The following NPAS2 variants were observed in gnomAD, a reference collection of about 807,000 sequenced individuals.
NPAS2 encodes neuronal PAS domain protein 2, also known as neuronal PAS domain-containing protein 2.
A neutral mutation model predicts 107.5 loss-of-function variants in NPAS2; 23 were observed. That is an observed-to-expected ratio of 0.21 (90% confidence interval 0.15 to 0.30). The LOEUF (loss-of-function observed/expected upper bound fraction) is 0.30. NPAS2 is among the 10% of genes least tolerant of loss of function. The probability of loss-of-function intolerance (pLI) is 1.00; values close to 1 mark genes in which losing one functional copy is unlikely to be tolerated. For synonymous variants in NPAS2, 403 were observed against 417.5 expected, an observed-to-expected ratio of 0.97 and a Z score of 0.42; for missense variants, 756 against 1,043.3, an observed-to-expected ratio of 0.72 and a Z score of 3.79.
At chr2:100,991,267 C>G (rs1056897776) in intron 19 of NPAS2, among the ~76,000 whole-genome samples, 11 of 152,130 alleles carry the variant, frequency 7.2e-5, no homozygotes. Context: ...GCACCGTGCT[C>G]GGGCCCGTCT....
In NPAS2 at chr2:100,948,354, A is replaced by G. The variant is rs770662226; in HGVS notation, c.483A>G (p.Lys161=). The change falls in exon 6 of 21, where the codon AAA becomes AAG. Residue 161 remains lysine, a splice_region_variant and synonymous_variant. Coordinates refer to ENST00000335681, the MANE Select transcript of NPAS2 (RefSeq NM_002518.4). ...ATTCCCCCTCCCCAGAATACTTAAA[A>G]TGTAAGTTTAATTTTTCTGGTTTTA... ...VTDSPSPEYL[K]SDSDLEFYCH... 43 of 1,590,532 alleles carry G rather than the reference A, an allele frequency of 2.7e-5. No individual in the cohort carries two copies. Among genetic ancestry groups the G allele is most frequent in the Non-Finnish European group, 3.6e-5 (42 of 1,169,948 alleles).
intron 7 of NPAS2, among the ~76,000 whole-genome samples, chr2:100,954,033 G>A (rs181922773): frequency 1.3e-5 from 2 of 152,204 alleles, no homozygotes; most frequent in Non-Finnish European, 2.9e-5. Flanking sequence ...GAGAAGCACC[G>A]GGGTTGGTCA....
At chr2:100,977,058 A>G (rs1204583361) in intron 14 of NPAS2, 1 of 151,702 alleles carries the variant, frequency 6.6e-6, no homozygotes, top group Non-Finnish European at 1.5e-5. Context: ...AAAAACCACT[A>G]GAAAACCACT....
rs199897015 is a variant in NPAS2, at chr2:100,852,873, AAAAAT to A, written c.-23+32473_-23+32477del. ...CAGGGGCGTTCAGTGCTTTCTTTAA[AAAAAT>A]AAAATAAAATAAATAAAAGACAAAA... On this transcript the variant is annotated intron_variant, in intron 1 of 20. Transcript: ENST00000335681. Among the ~76,000 whole-genome samples the A allele has an allele frequency of 2.2e-3, 342 of 152,330 alleles. 2 individuals carry two copies. Among genetic ancestry groups the A allele is most frequent in the East Asian group, 0.014 (75 of 5,188 alleles).
chr2:100,820,219 C>T lies in NPAS2; in HGVS notation c.-218C>T. ...CCGCGCGGCTGCGGCCCAGGAGCGG[C>T]GGCCGCGGAGCCCGGAGACCCGCAG... On this transcript the variant is annotated 5_prime_UTR_variant, in exon 1 of 21. Coordinates refer to ENST00000335681, the MANE Select transcript of NPAS2 (RefSeq NM_002518.4). The surrounding 1 kb of genome is among the most constrained non-coding windows in gnomAD (Gnocchi z 5.6). 6.7e-6 allele frequency: 1 copy of T among 149,070 alleles called. No homozygotes were observed. Among genetic ancestry groups the T allele is most frequent in the Non-Finnish European group, 1.5e-5 (1 of 67,214 alleles). 9.2% of individuals were successfully genotyped at this position (149,070 alleles called of 1,614,324 possible). A position where few individuals can be genotyped will look rare whatever the true frequency, so the allele number is the denominator to read the frequency against.
At chr2:100,920,111 A>G (rs1042789682) in intron 2 of NPAS2, among the ~76,000 whole-genome samples, 2 of 152,170 alleles carry the variant, frequency 1.3e-5, no homozygotes, top group Non-Finnish European at 2.9e-5. Flanking sequence ...TTGTCCAGAG[A>G]ACCCTCAAGT....
At position 100,995,697 on chromosome 2, in the gene NPAS2, T is replaced by C; in HGVS notation, c.*115T>C. 6.5e-7 allele frequency: 1 copy of C among 1,549,736 alleles called. No individual in the cohort carries two copies. The highest frequency in any genetic ancestry group is 8.7e-7 in the Non-Finnish European group (1 of 1,147,204). On this transcript the variant is annotated 3_prime_UTR_variant, in exon 21 of 21. Coordinates refer to ENST00000335681, the MANE Select transcript of NPAS2 (RefSeq NM_002518.4). ...ACCCCTGGCTTTTGTGCACACTGCA[T>C]ACGTTTCAGAACTCCTGGATGGTAA...
chr2:100,982,014 C>T (rs979687990), intron 15 of NPAS2, among the ~76,000 whole-genome samples: 1 of 152,216 alleles, frequency 6.6e-6, no homozygotes, highest in African/African-American at 2.4e-5. Flanking sequence ...CTGTCATAGC[C>T]AGCCTGAGAA....
intron 15 of NPAS2, among the ~76,000 whole-genome samples, chr2:100,979,805 C>T (rs1237241846): frequency 1.3e-5 from 2 of 152,136 alleles, no homozygotes; most frequent in Non-Finnish European, 2.9e-5. Context: ...GCTGGGATTA[C>T]AGGCGTGAGC....
At chr2:100,945,495 C>T (rs1452229330) in intron 5 of NPAS2, among the ~76,000 whole-genome samples, 1 of 152,222 alleles carries the variant, frequency 6.6e-6, no homozygotes, top group Non-Finnish European at 1.5e-5. Context: ...TCTCTCCTTC[C>T]AGACTACAAG....
rs181352071 is a variant in NPAS2 at position 100,843,999 on chromosome 2, G to A, written c.-23+23585G>A. On this transcript the variant is annotated intron_variant, in intron 1 of 20. Coordinates refer to ENST00000335681, the MANE Select transcript of NPAS2 (RefSeq NM_002518.4). ...GATTAGATACACCAAGAAGAGGTGA[G>A]AAGAGAAATGGTGGTGAAGATGCCC... 8.1e-3 allele frequency among the ~76,000 whole-genome samples: 1,237 copies of A among 152,080 alleles called. 7 individuals are homozygous for A. The highest frequency in any genetic ancestry group is 0.014 in the Middle Eastern group (4 of 294).
chr2:100,873,813 C>G (rs897117144), intron 1 of NPAS2, among the ~76,000 whole-genome samples: 1 of 152,188 alleles, frequency 6.6e-6, no homozygotes, highest in Non-Finnish European at 1.5e-5. Context: ...CAACCGCTAT[C>G]ATACCTGAGC....
intron 1 of NPAS2, among the ~76,000 whole-genome samples, chr2:100,895,109 C>T (rs1304111902): frequency 2.0e-5 from 1 of 49,442 alleles, no homozygotes; most frequent in African/African-American, 1.5e-4. Flanking sequence ...ATCATGCGTA[C>T]ACACACACAC....
intron 1 of NPAS2, among the ~76,000 whole-genome samples, chr2:100,884,517 G>A (rs2104655185): frequency 6.6e-6 from 1 of 152,292 alleles, no homozygotes; most frequent in East Asian, 1.9e-4. Context: ...ACATCCTGCT[G>A]TGATGCCATG....
At chr2:100,852,896 A>G (rs1000710624) in intron 1 of NPAS2, among the ~76,000 whole-genome samples, 3 of 152,166 alleles carry the variant, frequency 2.0e-5, no homozygotes, top group African/African-American at 7.2e-5. Flanking sequence ...AATAAATAAA[A>G]GACAAAAAAA....
chr2:100,960,125 A>G (rs1432028070), intron 7 of NPAS2, among the ~76,000 whole-genome samples: 1 of 152,256 alleles, frequency 6.6e-6, no homozygotes, highest in Non-Finnish European at 1.5e-5. Flanking sequence ...GACATGATTC[A>G]TTCTGAGTCC....
chr2:100,971,525 C>T (rs1227934903), intron 12 of NPAS2, among the ~76,000 whole-genome samples: 2 of 152,174 alleles, frequency 1.3e-5, no homozygotes, highest in Non-Finnish European at 2.9e-5. Flanking sequence ...GCACTGCCTC[C>T]AGGACCCAGG....
intron 1 of NPAS2, among the ~76,000 whole-genome samples, chr2:100,904,439 G>A (rs1167060221): frequency 2.6e-5 from 4 of 152,154 alleles, no homozygotes; most frequent in Non-Finnish European, 4.4e-5. Context: ...GAGTGTACAC[G>A]ACATAATTGT....
chr2:100,975,818 A>C (rs1385070960), intron 14 of NPAS2: 2 of 405,554 alleles, frequency 4.9e-6, no homozygotes, highest in Non-Finnish European at 4.4e-6. Flanking sequence ...GATTAAAGGC[A>C]AAACTGCAAA....
Sources: gnomAD v4.1 joint callset for allele counts (sites outside exome capture counted in the v4.1 genomes callset) on GRCh38, gnomAD v4.1.1 for gene constraint, Gnocchi (gnomAD v3.1) non-coding constraint, MANE v1.5 for transcripts, NCBI Gene and HGNC (gene_info 2026-07-23, HGNC 2026-07-21) for gene names.